The following DLGAP1 variants were observed in gnomAD, a reference collection of about 807,000 sequenced individuals.
DLGAP1 encodes the protein disks large-associated protein 1.
DLGAP1 carries 11 observed loss-of-function variants against 90.8 expected under a neutral mutation model. The ratio of observed to expected loss-of-function variants is 0.12; its 90% CI spans 0.08 to 0.20. The LOEUF (loss-of-function observed/expected upper bound fraction) is 0.20. Ranked by LOEUF, DLGAP1 falls within the 10% of genes least tolerant of loss-of-function variation. The pLI, the probability that DLGAP1 is intolerant of heterozygous loss-of-function variation, is 1.00. For missense variants in DLGAP1, 1,050 were observed against 1,333.8 expected (o/e 0.79, Z 3.31); for synonymous variants, 558 against 540.7 (o/e 1.03, Z -0.44).
chr18:4,259,684 T>A (rs1172550635), intron 1 of DLGAP1, among the ~76,000 whole-genome samples: 2 of 152,184 alleles, frequency 1.3e-5, no homozygotes, highest in Non-Finnish European at 2.9e-5. Flanking sequence ...TTACATAGTG[T>A]AACACTCAAT....
chr18:4,131,600 C>T (rs556577975), intron 2 of DLGAP1, among the ~76,000 whole-genome samples: 12 of 152,190 alleles, frequency 7.9e-5, no homozygotes, highest in South Asian at 2.1e-4. Flanking sequence ...AGATGAGGTC[C>T]GCTGACTCCT....
chr18:4,008,080 TCACC>T (rs2074340701), intron 2 of DLGAP1, among the ~76,000 whole-genome samples: 1 of 152,156 alleles, frequency 6.6e-6, no homozygotes, highest in South Asian at 2.1e-4. Context: ...TCTGGACTCC[TCACC>T]CACTGGGATT....
intron 1 of DLGAP1, among the ~76,000 whole-genome samples, chr18:4,357,095 G>T (rs1311347568): frequency 6.8e-5 from 10 of 146,878 alleles, no homozygotes; most frequent in Non-Finnish European, 1.3e-4. Flanking sequence ...GTGTGCGTGT[G>T]TGTGTGTGTG....
intron 1 of DLGAP1, among the ~76,000 whole-genome samples, chr18:4,322,631 T>C (rs1288422213): frequency 1.3e-5 from 2 of 151,940 alleles, no homozygotes; most frequent in Admixed American, 1.3e-4. Context: ...GCAACAAAAA[T>C]AAAAATAGAC....
chr18:3,851,322 T>C (rs912307243), intron 4 of DLGAP1, among the ~76,000 whole-genome samples: 1 of 152,162 alleles, frequency 6.6e-6, no homozygotes, highest in African/African-American at 2.4e-5. Flanking sequence ...GACGGCATCA[T>C]TTGTGTTCCC....
intron 5 of DLGAP1, among the ~76,000 whole-genome samples, chr18:3,808,097 C>T (rs778619073): frequency 5.1e-4 from 78 of 152,100 alleles, no homozygotes; most frequent in Non-Finnish European, 8.1e-4. Context: ...ATGTAATAGG[C>T]GATTGCTTGT....
intron 7 of DLGAP1, among the ~76,000 whole-genome samples, chr18:3,651,086 C>T (rs2059283973): frequency 6.7e-6 from 1 of 149,134 alleles, no homozygotes; most frequent in Admixed American, 6.7e-5. Flanking sequence ...GTTGGCTGGG[C>T]ACGGTGGCTC....
chr18:3,940,502 G>A (rs1471939255), intron 3 of DLGAP1, among the ~76,000 whole-genome samples: 1 of 152,222 alleles, frequency 6.6e-6, no homozygotes. Context: ...ACTAAGAGTT[G>A]TTGAGAAGTA....
At chr18:3,719,295 G>A (rs894758509) in intron 7 of DLGAP1, among the ~76,000 whole-genome samples, 1 of 151,856 alleles carries the variant, frequency 6.6e-6, no homozygotes, top group African/African-American at 2.4e-5. Context: ...GGCCAGGTGC[G>A]GTGGCTCGCA....
intron 7 of DLGAP1, among the ~76,000 whole-genome samples, chr18:3,670,922 T>C (rs147397408): frequency 1.1e-3 from 170 of 152,384 alleles, no homozygotes; most frequent in Non-Finnish European, 1.8e-3. Context: ...AAAGTTTAGC[T>C]TGCTTGGCCC....
At chr18:4,334,762 C>A (rs569602276) in intron 1 of DLGAP1, among the ~76,000 whole-genome samples, 2 of 151,926 alleles carry the variant, frequency 1.3e-5, no homozygotes, top group South Asian at 4.1e-4. Context: ...CTCAAACCTG[C>A]CTCCACCTGC....
chr18:4,117,369 A>G lies in DLGAP1; in HGVS notation c.-159+33811T>C, dbSNP rs114769699. ...TTGTAATTGTTTCATTGAAAACTGG[A>G]ACTTTTGCATAATACATTGTAGCAA... is the stretch of plus-strand genomic sequence containing the variant. On this transcript the variant is annotated intron_variant, in intron 2 of 12. Transcript: ENST00000315677. Among the ~76,000 whole-genome samples, 517 of 152,276 alleles carry G rather than the reference A, an allele frequency of 3.4e-3. 1 individual carries two copies. The highest frequency in any genetic ancestry group is 0.012 in the African/African-American group (491 of 41,554).
intron 7 of DLGAP1, among the ~76,000 whole-genome samples, chr18:3,683,960 C>A (rs1228196665): frequency 6.6e-6 from 1 of 151,862 alleles, no homozygotes; most frequent in Non-Finnish European, 1.5e-5. Context: ...ACTGGGGGGA[C>A]ACGAGGATTA....
At chr18:4,103,360 T>C (rs1309976941) in intron 2 of DLGAP1, among the ~76,000 whole-genome samples, 1 of 152,160 alleles carries the variant, frequency 6.6e-6, no homozygotes, top group Non-Finnish European at 1.5e-5. Context: ...ATAGTTGTCT[T>C]CAATAGGTTT....
At chr18:4,161,490 C>A (rs1598512658) in intron 1 of DLGAP1, among the ~76,000 whole-genome samples, 1 of 152,044 alleles carries the variant, frequency 6.6e-6, no homozygotes, top group South Asian at 2.1e-4. Flanking sequence ...ATCCAGTCTA[C>A]CATTGATGAG....
chr18:3,678,904 T>C (rs1398413006), intron 7 of DLGAP1, among the ~76,000 whole-genome samples: 1 of 152,224 alleles, frequency 6.6e-6, no homozygotes, highest in East Asian at 1.9e-4. Context: ...TTTATATATG[T>C]TGGGGGGAAA....
At chr18:4,023,396 T>C (rs16945891) in intron 2 of DLGAP1, among the ~76,000 whole-genome samples, 34,456 of 152,090 alleles carry the variant, frequency 0.23, 4,271 homozygotes, top group East Asian at 0.39. Context: ...CTTTATTGCA[T>C]TGACTTTGAC....
intron 7 of DLGAP1, among the ~76,000 whole-genome samples, chr18:3,719,176 A>G (rs2061876902): frequency 6.6e-6 from 1 of 152,156 alleles, no homozygotes; most frequent in Admixed American, 6.5e-5. Flanking sequence ...ACTTCATCCA[A>G]CTGGCAAAAT....
chr18:4,428,410 C>T (rs1046289547), intron 1 of DLGAP1, among the ~76,000 whole-genome samples: 8 of 152,148 alleles, frequency 5.3e-5, no homozygotes, highest in Admixed American at 3.9e-4. Context: ...GGCAAAACCC[C>T]GTCTCTACTA....
Sources: allele counts gnomAD v4.1 joint callset (sites outside exome capture counted in the v4.1 genomes callset), GRCh38; gene constraint gnomAD v4.1.1; transcripts MANE v1.5; gene names NCBI Gene and HGNC (gene_info 2026-07-23, HGNC 2026-07-21).